UTRN: variants seen among roughly 807,000 people sequenced by gnomAD.
UTRN encodes the protein dystrophin-related protein 1.
A neutral mutation model predicts 463.9 loss-of-function variants in UTRN; 283 were observed. That is an observed-to-expected ratio of 0.61 (90% CI 0.55 to 0.67). UTRN has a LOEUF of 0.67. Among genes scored for constraint, UTRN ranks in the 30% least tolerant of loss-of-function variants. The pLI is 0.00. For missense variants in UTRN, 3,922 were observed against 4,084.3 expected, an observed-to-expected ratio of 0.96 and a Z score of 1.08; for synonymous variants, 1,442 against 1,431.5, an observed-to-expected ratio of 1.01 and a Z score of -0.17.
intron 51 of UTRN, among the ~76,000 whole-genome samples, chr6:144,632,019 G>A (rs949685846): frequency 6.6e-6 from 1 of 152,088 alleles, no homozygotes; most frequent in Non-Finnish European, 1.5e-5. Flanking sequence ...GAAGCGCCAG[G>A]GTCCATCAAA....
At chr6:144,428,703 G>A in intron 7 of UTRN, 75 bp from the exon 8 acceptor site, 2 of 766,796 alleles carry the variant, frequency 2.6e-6, no homozygotes, top group South Asian at 2.3e-5. Flanking sequence ...AAACTAAAAT[G>A]TATTAGATTA....
chr6:144,774,241 T>A (rs748493180), intron 59 of UTRN, 49 bp from the exon 60 acceptor site: 2 of 1,498,066 alleles, frequency 1.3e-6, no homozygotes, highest in Non-Finnish European at 1.8e-6. Flanking sequence ...GCATTCAATA[T>A]ATATTCAATA....
intron 69 of UTRN, among the ~76,000 whole-genome samples, chr6:144,834,235 A>G (rs1405764941): frequency 6.6e-6 from 1 of 152,182 alleles, no homozygotes; most frequent in African/African-American, 2.4e-5. Flanking sequence ...GGTACTTATT[A>G]TTATATTGTG....
chr6:144,610,682 C>T (rs1369261856), intron 51 of UTRN, among the ~76,000 whole-genome samples: 3 of 152,150 alleles, frequency 2.0e-5, no homozygotes, highest in Admixed American at 2.0e-4. Context: ...TGAGACCAGC[C>T]TGGCCAACAT....
rs757857244 is a variant in UTRN, at chr6:144,473,798, G to A, written c.3145G>A (p.Asp1049Asn). 42 of 1,614,134 alleles carry A rather than the reference G, an allele frequency of 2.6e-5. No homozygotes were observed. Among genetic ancestry groups the A allele is most frequent in the Middle Eastern group, 1.7e-4 (1 of 6,060 alleles). Reference protein sequence around the residue: ...LMKQQAAQGDDAGLQRQLDQC... With the variant: ...LMKQQAAQGDNAGLQRQLDQC... ...GAAACAGCAGGCTGCCCAAGGAGAC[G>A]ACGCAGGTCTACAGAGGCAGTTAGA... The change falls in exon 24 of 75, where the codon GAC (aspartate) becomes AAC (asparagine). Residue 1049 changes from aspartate to asparagine, a missense_variant. Asp to Asn is a conservative substitution (Grantham distance 23). Coordinates refer to ENST00000367545, the MANE Select transcript of UTRN (RefSeq NM_007124.3).
chr6:144,302,363 C>T (rs2502631), intron 2 of UTRN, among the ~76,000 whole-genome samples: 23,320 of 151,820 alleles, frequency 0.15, 2,336 homozygotes, highest in African/African-American at 0.28. Context: ...ATACAAAAAT[C>T]AGCCAGGCGT....
chr6:144,732,712 T>C (rs1416351312), intron 54 of UTRN, among the ~76,000 whole-genome samples: 1 of 150,816 alleles, frequency 6.6e-6, no homozygotes, highest in African/African-American at 2.5e-5. Context: ...TGTTATGTTA[T>C]GTTATGTTAT....
At position 144,720,590 on chromosome 6, in the gene UTRN, T is replaced by A; in HGVS notation, c.7810-9767T>A. Among the ~76,000 whole-genome samples, 2 of 152,246 alleles carry A rather than the reference T, an allele frequency of 1.3e-5. 1 individual carries two copies. On this transcript the variant is annotated intron_variant, in intron 53 of 74. Coordinates refer to ENST00000367545, the MANE Select transcript of UTRN (RefSeq NM_007124.3). Reference sequence around the variant, plus strand: ...CAATCAGGTCTTCATTAATCTGCCATTTCACGGCTTCATTTAGTTTAAGTA... The same window carrying A: ...CAATCAGGTCTTCATTAATCTGCCAATTCACGGCTTCATTTAGTTTAAGTA...
intron 71 of UTRN, among the ~76,000 whole-genome samples, chr6:144,837,788 C>T (rs948653671): frequency 6.6e-6 from 1 of 152,144 alleles, no homozygotes; most frequent in Admixed American, 6.5e-5. Context: ...CATAATTTGA[C>T]CATACACTTT....
At chr6:144,798,217 A>T (rs1022022511) in intron 64 of UTRN, among the ~76,000 whole-genome samples, 10 of 152,170 alleles carry the variant, frequency 6.6e-5, no homozygotes, top group African/African-American at 2.4e-4. Flanking sequence ...CACTACTTGG[A>T]TCAGAACCAG....
chr6:144,451,113 A>AAACAACAAC (rs111594852), intron 17 of UTRN, among the ~76,000 whole-genome samples: 11 of 152,050 alleles, frequency 7.2e-5, no homozygotes, highest in African/African-American at 1.5e-4. Flanking sequence ...CTCCATCTCG[A>AAACAACAAC]AACAACAACA....
intron 51 of UTRN, among the ~76,000 whole-genome samples, chr6:144,613,269 T>C (rs1446102321): frequency 1.3e-5 from 2 of 151,870 alleles, no homozygotes; most frequent in East Asian, 1.9e-4. Flanking sequence ...TTCAGATAGA[T>C]AAGAGGATTT....
intron 65 of UTRN, among the ~76,000 whole-genome samples, chr6:144,813,248 G>A (rs1188673646): frequency 6.6e-6 from 1 of 151,802 alleles, no homozygotes; most frequent in East Asian, 1.9e-4. Flanking sequence ...GGAAGCAATG[G>A]CGCAATCTTG....
chr6:144,840,637 T>TA, intron 72 of UTRN, 103 bp from the exon 73 acceptor site: 1 of 1,257,038 alleles, frequency 8.0e-7, no homozygotes, highest in Non-Finnish European at 1.1e-6. Context: ...TTCACATTGA[T>TA]ATTTAGAGGC....
At position 144,580,555 on chromosome 6, in the gene UTRN, T is replaced by C. The variant is rs73600200; in HGVS notation, c.7479+3267T>C. ...TTTTAAGGATGGATGATGATTTGGA[T>C]TTATGTATCTATGTTTCATTGCCCT... On this transcript the variant is annotated intron_variant, in intron 51 of 74. Transcript: ENST00000367545. Among the ~76,000 whole-genome samples the C allele has an allele frequency of 8.7e-3, 1,318 of 152,258 alleles. 22 individuals carry two copies. The highest frequency in any genetic ancestry group is 0.029 in the African/African-American group (1,207 of 41,550).
At chr6:144,745,697 A>G (rs1200718992) in intron 54 of UTRN, among the ~76,000 whole-genome samples, 1 of 152,206 alleles carries the variant, frequency 6.6e-6, no homozygotes, top group Non-Finnish European at 1.5e-5. Context: ...CAAAGAACCC[A>G]TGGGCCTCCC....
intron 23 of UTRN, among the ~76,000 whole-genome samples, chr6:144,466,147 T>C (rs770669785): frequency 6.6e-6 from 1 of 152,236 alleles, no homozygotes; most frequent in Non-Finnish European, 1.5e-5. Context: ...AGAAATGATA[T>C]TGGAACTCTG....
chr6:144,849,404 T>C (rs923673810), intron 74 of UTRN, among the ~76,000 whole-genome samples: 1 of 152,110 alleles, frequency 6.6e-6, no homozygotes, highest in African/African-American at 2.4e-5. Context: ...TCAGATATAA[T>C]ACAAGTGCTC....
chr6:144,641,243 C>A lies in UTRN; in HGVS notation c.7480-37163C>A, dbSNP rs80084744. Among the ~76,000 whole-genome samples, 116 of 152,122 alleles carry A rather than the reference C, an allele frequency of 7.6e-4. 1 individual carries two copies. In the East Asian group the frequency reaches 0.01, roughly 13 times the overall value. ...AATACATTTAAGATTTACATTGGTT[C>A]GATCTGGAAGGGTGGGACAACTCAA... On this transcript the variant is annotated intron_variant, in intron 51 of 74. Transcript: ENST00000367545.
Sources: allele counts gnomAD v4.1 joint callset (sites outside exome capture counted in the v4.1 genomes callset), GRCh38; gene constraint gnomAD v4.1.1; transcripts MANE v1.5; gene names NCBI Gene and HGNC (gene_info 2026-07-23, HGNC 2026-07-21).